The following UMAD1 variants were observed in gnomAD, a reference collection of about 807,000 sequenced individuals.
UMAD1 encodes UBAP1-MVB12-associated (UMA)-domain containing protein 1.
A neutral mutation model predicts 6.1 loss-of-function variants in UMAD1; 8 were observed. The observed-to-expected ratio is 1.30, with a 90% confidence interval of 0.76 to 2.35. The LOEUF (loss-of-function observed/expected upper bound fraction) is 2.35. Among genes scored for constraint, UMAD1 ranks in the 30% most tolerant of loss-of-function variants. The pLI is 0.00. For missense variants in UMAD1, 130 were observed against 78.4 expected, an observed-to-expected ratio of 1.66 and a Z score of -2.49; for synonymous variants, 56 against 31.4, an observed-to-expected ratio of 1.78 and a Z score of -2.61.
intron 3 of UMAD1, among the ~76,000 whole-genome samples, chr7:7,857,204 T>G (rs1784034098): frequency 6.6e-6 from 1 of 152,262 alleles, no homozygotes; most frequent in Admixed American, 6.5e-5. Context: ...GCATAAATGC[T>G]GATGATGTAC....
At chr7:7,868,516 A>G (rs1239774751) in intron 3 of UMAD1, 1 of 152,130 alleles carries the variant, frequency 6.6e-6, no homozygotes, top group Non-Finnish European at 1.5e-5. Flanking sequence ...AGATTGGAGA[A>G]CCACGGAGCA....
chr7:7,725,746 T>C (rs1427830981), intron 2 of UMAD1, among the ~76,000 whole-genome samples: 2 of 152,184 alleles, frequency 1.3e-5, no homozygotes, highest in Non-Finnish European at 2.9e-5. Flanking sequence ...AGGAAGTGGC[T>C]CAAATGCCCA....
chr7:7,752,862 A>G (rs1781704244), intron 2 of UMAD1, among the ~76,000 whole-genome samples: 2 of 152,052 alleles, frequency 1.3e-5, no homozygotes, highest in African/African-American at 4.8e-5. Flanking sequence ...TTTCTCTTCT[A>G]ATTTTGTATT....
intron 1 of UMAD1, among the ~76,000 whole-genome samples, chr7:7,662,532 C>T (rs984429744): frequency 1.3e-5 from 2 of 152,156 alleles, no homozygotes; most frequent in South Asian, 2.1e-4. Context: ...TGTTCCTCAC[C>T]GCACAGTCCC....
intron 2 of UMAD1, among the ~76,000 whole-genome samples, chr7:7,678,637 G>GATAAATATATATTTATATACTTAGTTT (rs1779819659): frequency 3.1e-5 from 1 of 32,426 alleles, no homozygotes; most frequent in Non-Finnish European, 6.5e-5. Flanking sequence ...TTAATTTATA[G>GATAAATATATATTTATATACTTAGTTT]ATAAATATAT....
At chr7:7,723,710 T>A (rs1346713128) in intron 2 of UMAD1, among the ~76,000 whole-genome samples, 3 of 152,128 alleles carry the variant, frequency 2.0e-5, no homozygotes, top group Non-Finnish European at 2.9e-5. Flanking sequence ...AATTTAAATA[T>A]GATGGGAATA....
chr7:7,683,848 C>T (rs962025881), intron 2 of UMAD1, among the ~76,000 whole-genome samples: 4 of 152,180 alleles, frequency 2.6e-5, no homozygotes, highest in African/African-American at 9.6e-5. Flanking sequence ...GTCTCAAACT[C>T]CTGACCTCAG....
intron 3 of UMAD1, among the ~76,000 whole-genome samples, chr7:7,865,432 C>T (rs1292098723): frequency 6.6e-6 from 1 of 152,142 alleles, no homozygotes; most frequent in African/African-American, 2.4e-5. Context: ...AATATAGACC[C>T]ACCAACTAGG....
At chr7:7,655,730 G>C (rs921041917) in intron 1 of UMAD1, among the ~76,000 whole-genome samples, 1 of 152,208 alleles carries the variant, frequency 6.6e-6, no homozygotes, top group East Asian at 1.9e-4. Flanking sequence ...AAGATTAGGA[G>C]TGTTAAATTA....
intron 2 of UMAD1, among the ~76,000 whole-genome samples, chr7:7,716,962 C>T (rs144281955): frequency 6.6e-6 from 1 of 152,276 alleles, no homozygotes; most frequent in East Asian, 1.9e-4. Context: ...ATAAAACCAA[C>T]CTCTTCTTGC....
chr7:7,744,590 ACT>A (rs1781533794), intron 2 of UMAD1, among the ~76,000 whole-genome samples: 1 of 141,702 alleles, frequency 7.1e-6, no homozygotes, highest in Non-Finnish European at 1.6e-5. Context: ...ACTAATTGTT[ACT>A]GTTTTTTTTT....
chr7:7,816,102 A>G (rs1322637331), intron 3 of UMAD1, among the ~76,000 whole-genome samples: 1 of 152,190 alleles, frequency 6.6e-6, no homozygotes, highest in Non-Finnish European at 1.5e-5. Flanking sequence ...TTAACTCATT[A>G]ATTTTTACAG....
chr7:7,746,768 C>G (rs1336140311), intron 2 of UMAD1, among the ~76,000 whole-genome samples: 1 of 152,248 alleles, frequency 6.6e-6, no homozygotes, highest in African/African-American at 2.4e-5. Context: ...ACACCTTTAT[C>G]TTAATTCGCT....
intron 3 of UMAD1, among the ~76,000 whole-genome samples, chr7:7,839,561 G>A (rs1783636810): frequency 6.6e-6 from 1 of 152,158 alleles, no homozygotes; most frequent in Admixed American, 6.5e-5. Flanking sequence ...GTTGGAGGGA[G>A]ACAGGAGTAA....
intron 3 of UMAD1, among the ~76,000 whole-genome samples, chr7:7,817,896 C>G (rs1783163483): frequency 6.6e-6 from 1 of 152,136 alleles, no homozygotes; most frequent in African/African-American, 2.4e-5. Flanking sequence ...TTACTGCAAC[C>G]TGCACCTTCT....
chr7:7,808,126 A>G (rs1317182209), intron 3 of UMAD1, among the ~76,000 whole-genome samples: 2 of 152,062 alleles, frequency 1.3e-5, no homozygotes. Flanking sequence ...TAATGTCATT[A>G]GACTCTGATA....
At chr7:7,768,751 A>G (rs1782042894) in intron 2 of UMAD1, among the ~76,000 whole-genome samples, 1 of 152,188 alleles carries the variant, frequency 6.6e-6, no homozygotes, top group Admixed American at 6.5e-5. Context: ...TATTTGTTGA[A>G]TAAATAAATA....
rs186962760 is a variant in UMAD1, at chr7:7,723,550, C to T, written c.82+50097C>T. Among the ~76,000 whole-genome samples, 291 of 152,262 alleles carry T rather than the reference C, an allele frequency of 1.9e-3. 2 individuals carry two copies. The highest frequency in any genetic ancestry group is 6.7e-3 in the African/African-American group (280 of 41,560). ...GATTAGTCACTTTAGACCTACTCTT[C>T]CCAGCTGGGAGGGTCCAGAAGATAT... On this transcript the variant is annotated intron_variant, in intron 2 of 3. Transcript: ENST00000682710.
rs373662106 is a variant in UMAD1 at position 7,860,715 on chromosome 7, C to T, written c.157-16566C>T. Among the ~76,000 whole-genome samples the T allele has an allele frequency of 5.4e-5, 8 of 149,262 alleles. No individual in the cohort carries two copies. In the East Asian group the frequency reaches 7.9e-4, roughly 15 times the overall value. ...GCGCGAACCCAGGAGGCGGAGCTTG[C>T]AGTGAGCCAAGATTGCACCACTGCA... On this transcript the variant is annotated intron_variant, in intron 3 of 3. Coordinates refer to ENST00000682710, the MANE Select transcript of UMAD1 (RefSeq NM_001302348.2).
Sources: gnomAD v4.1 joint callset for allele counts (sites outside exome capture counted in the v4.1 genomes callset) on GRCh38, gnomAD v4.1.1 for gene constraint, MANE v1.5 for transcripts, NCBI Gene and HGNC (gene_info 2026-07-23, HGNC 2026-07-21) for gene names.